Variants in SHLD2 observed in about 807,000 individuals in gnomAD.
SHLD2 encodes shieldin complex subunit 2.
In SHLD2, 30 loss-of-function variants were observed where a neutral mutation model predicts 73.2. That is an observed-to-expected ratio of 0.41 (90% CI 0.31 to 0.56). The LOEUF is 0.56. SHLD2 is among the 20% of genes least tolerant of loss of function. SHLD2 has a pLI of 0.28. For missense variants in SHLD2, 745 were observed against 1,055.9 expected, an observed-to-expected ratio of 0.71 and a Z score of 4.08; for synonymous variants, 285 against 370.1, an observed-to-expected ratio of 0.77 and a Z score of 2.64.
At chr10:87,151,292 A>T (rs533381722) in intron 2 of SHLD2, 58 bp from the exon 3 acceptor site, 1 of 885,678 alleles carries the variant, frequency 1.1e-6, no homozygotes, top group African/African-American at 1.7e-5. Flanking sequence ...TTAAGTTAAT[A>T]TCCATATGCA....
chr10:87,153,892 G>T (rs1318957253), intron 3 of SHLD2: 1 of 151,828 alleles, frequency 6.6e-6, no homozygotes, highest in African/African-American at 2.4e-5. Context: ...AGAACATTTT[G>T]TTTTTTTAAT....
chr10:87,142,651 A>G (rs1468878663), intron 2 of SHLD2, among the ~76,000 whole-genome samples: 1 of 152,180 alleles, frequency 6.6e-6, no homozygotes, highest in Non-Finnish European at 1.5e-5. Flanking sequence ...GAAAGACATC[A>G]GTGATGATGC....
rs781241618 is a variant in SHLD2, at chr10:87,170,566, G to A, written c.1722G>A (p.Arg574=). ...KHSYLRDLPP[R]QPQRVNSIDF... ...CCTACCTCAGAGATCTTCCTCCGAGGCAGCCTCAGAGGGTGAACAGTATAG... is the reference window on the plus strand; with the variant it reads ...CCTACCTCAGAGATCTTCCTCCGAGACAGCCTCAGAGGGTGAACAGTATAG... Residue 574 remains arginine, a synonymous_variant, in exon 5 of 10, where the codon AGG becomes AGA. Coordinates refer to ENST00000298786, the MANE Select transcript of SHLD2 (RefSeq NM_001330112.2). 28 of 1,613,438 alleles carry A rather than the reference G, an allele frequency of 1.7e-5. No individual in the cohort carries two copies. Among genetic ancestry groups the A allele is most frequent in the Non-Finnish European group, 2.4e-5 (28 of 1,179,768 alleles).
intron 6 of SHLD2, among the ~76,000 whole-genome samples, chr10:87,175,304 T>C (rs1326611880): frequency 2.0e-5 from 3 of 152,008 alleles, no homozygotes; most frequent in Non-Finnish European, 2.9e-5. Context: ...GATAGATACA[T>C]GAGAATTTTC....
intron 2 of SHLD2, among the ~76,000 whole-genome samples, chr10:87,110,842 A>G (rs1465810468): frequency 1.3e-5 from 2 of 151,958 alleles, no homozygotes; most frequent in Non-Finnish European, 2.9e-5. Context: ...ACTTTATTAA[A>G]ATTAATTTTT....
chr10:87,188,338 A>T (rs1848757899), intron 9 of SHLD2, among the ~76,000 whole-genome samples: 1 of 151,968 alleles, frequency 6.6e-6, no homozygotes, highest in South Asian at 2.1e-4. Flanking sequence ...CTCCCCCAGG[A>T]TGGAGGGGTT....
At chr10:87,140,244 ATCTCT>A (rs907589220) in intron 2 of SHLD2, among the ~76,000 whole-genome samples, 2 of 151,848 alleles carry the variant, frequency 1.3e-5, no homozygotes, top group African/African-American at 4.8e-5. Context: ...ACATGGTGAA[ATCTCT>A]TCTCTACTAA....
At chr10:87,118,292 G>C (rs2134054200) in intron 2 of SHLD2, among the ~76,000 whole-genome samples, 1 of 152,288 alleles carries the variant, frequency 6.6e-6, no homozygotes, top group African/African-American at 2.4e-5. Flanking sequence ...TTTATAGAGA[G>C]ATTAGTCAGT....
chr10:87,115,901 TATC>T (rs1471147511), intron 2 of SHLD2, among the ~76,000 whole-genome samples: 1 of 152,090 alleles, frequency 6.6e-6, no homozygotes. Flanking sequence ...GAGTAGGAAT[TATC>T]ATAGAAACTT....
intron 8 of SHLD2, among the ~76,000 whole-genome samples, chr10:87,184,181 C>T (rs1361761533): frequency 3.9e-5 from 6 of 152,264 alleles, no homozygotes; most frequent in East Asian, 1.9e-4. Flanking sequence ...GCACAATCGT[C>T]GCATCATTTT....
Position 87,170,464 on chromosome 10 carries a change from T to G in SHLD2, c.1634-14T>G. On this transcript the variant is annotated splice_polypyrimidine_tract_variant and intron_variant, in intron 4 of 9. Coordinates refer to ENST00000298786, the MANE Select transcript of SHLD2 (RefSeq NM_001330112.2). ...TGCCATCTTTTGTCTGTCTGTATGTTTTTTTTCCCTTAGATTCCAGTGTAG... is the reference window on the plus strand; with the variant it reads ...TGCCATCTTTTGTCTGTCTGTATGTGTTTTTTCCCTTAGATTCCAGTGTAG... 6.5e-7 allele frequency: 1 copy of G among 1,541,702 alleles called. No individual in the cohort carries two copies.
chr10:87,095,646 C>G (rs574385880), intron 1 of SHLD2, among the ~76,000 whole-genome samples: 1 of 152,362 alleles, frequency 6.6e-6, no homozygotes, highest in African/African-American at 2.4e-5. Context: ...AAGGGAGTCA[C>G]TCGCCCACAA....
At chr10:87,108,665 A>G (rs1330464819) in intron 2 of SHLD2, among the ~76,000 whole-genome samples, 1 of 152,254 alleles carries the variant, frequency 6.6e-6, no homozygotes, top group Non-Finnish European at 1.5e-5. Context: ...AATAGAGAAC[A>G]ATCCTGCTAA....
At chr10:87,100,539 G>A (rs969078503) in intron 2 of SHLD2, among the ~76,000 whole-genome samples, 1 of 150,434 alleles carries the variant, frequency 6.6e-6, no homozygotes, top group Non-Finnish European at 1.5e-5. Context: ...GTGCAATAGC[G>A]CGATCTTGGC....
rs867881460 is a variant in SHLD2 at position 87,142,297 on chromosome 10, G to A, written c.-5-9053G>A. Among the ~76,000 whole-genome samples the A allele has an allele frequency of 7.9e-5, 12 of 152,240 alleles. 1 individual carries two copies. Among genetic ancestry groups the A allele is most frequent in the Middle Eastern group, 6.8e-3 (2 of 294 alleles). On this transcript the variant is annotated intron_variant, in intron 2 of 9. Transcript: ENST00000298786. ...CTCTTTAGATAAATCAGTGCTTTGGGAGCATATGTCATATGACTCAATGGC... is the reference window on the plus strand; with the variant it reads ...CTCTTTAGATAAATCAGTGCTTTGGAAGCATATGTCATATGACTCAATGGC...
In SHLD2 at chr10:87,152,136, G is replaced by A; in HGVS notation, c.782G>A (p.Arg261Lys). Reference sequence around the variant, plus strand: ...TTTTTAGCTCAAAAGAAAGATAAAAGGCGGAGTCCTGTAAATAAAGGGAAT... The same window carrying A: ...TTTTTAGCTCAAAAGAAAGATAAAAAGCGGAGTCCTGTAAATAAAGGGAAT... ...VAFLAQKKDKRRSPVNKGNVN... is the reference protein window; with the variant it reads ...VAFLAQKKDKKRSPVNKGNVN... The change falls in exon 3 of 10, where the codon AGG becomes AAG. Residue 261 changes from arginine (R) to lysine (K), a missense_variant. This residue lies in a region of SHLD2 where 280 missense variants were observed against 353.9 expected (regional missense o/e 0.79). Transcript: ENST00000298786. 1 of 1,611,754 alleles carries A rather than the reference G, an allele frequency of 6.2e-7. No individual in the cohort carries two copies. Among genetic ancestry groups the A allele is most frequent in the Non-Finnish European group, 8.5e-7 (1 of 1,179,784 alleles).
At chr10:87,139,147 T>TG (rs1240995222) in intron 2 of SHLD2, among the ~76,000 whole-genome samples, 1 of 152,100 alleles carries the variant, frequency 6.6e-6, no homozygotes, top group Admixed American at 6.6e-5. Flanking sequence ...TGGGAATAGT[T>TG]TATGTTTCCA....
chr10:87,182,382 G>A (rs1021640065), intron 8 of SHLD2, among the ~76,000 whole-genome samples: 2 of 152,146 alleles, frequency 1.3e-5, no homozygotes, highest in Non-Finnish European at 2.9e-5. Flanking sequence ...ACATTTGTGT[G>A]GCATAACAGT....
At chr10:87,136,328 A>G (rs1226529861) in intron 2 of SHLD2, among the ~76,000 whole-genome samples, 2 of 151,592 alleles carry the variant, frequency 1.3e-5, no homozygotes, top group Admixed American at 6.6e-5. Context: ...TAGAGACTAA[A>G]GCATGTAGTA....
Sources: gnomAD v4.1 joint callset for allele counts (sites outside exome capture counted in the v4.1 genomes callset) on GRCh38, gnomAD v4.1.1 for gene constraint, gnomAD v4.1.1 regional missense constraint, MANE v1.5 for transcripts, NCBI Gene and HGNC (gene_info 2026-07-23, HGNC 2026-07-21) for gene names.